Variants in ADGRB3 observed in about 807,000 individuals in gnomAD.
ADGRB3 encodes adhesion G protein-coupled receptor B3.
In ADGRB3, 37 loss-of-function variants were observed where a neutral mutation model predicts 193.4. That is an observed-to-expected ratio of 0.19 (90% CI 0.15 to 0.25). The LOEUF is 0.25. ADGRB3 is among the 10% of genes least tolerant of loss of function. The pLI, the probability that ADGRB3 is intolerant of heterozygous loss-of-function variation, is 1.00. For missense variants in ADGRB3, 1,637 were observed against 1,852.9 expected, an observed-to-expected ratio of 0.88 and a Z score of 2.14; for synonymous variants, 690 against 644.2, an observed-to-expected ratio of 1.07 and a Z score of -1.08.
intron 3 of ADGRB3, among the ~76,000 whole-genome samples, chr6:68,665,438 A>G (rs1561987795): frequency 6.6e-6 from 1 of 151,870 alleles, no homozygotes; most frequent in Non-Finnish European, 1.5e-5. Context: ...ATTCCTCAAA[A>G]TAATTTTATC....
At chr6:69,148,521 A>ATTCATCCT (rs1224576339) in intron 17 of ADGRB3, among the ~76,000 whole-genome samples, 3 of 151,932 alleles carry the variant, frequency 2.0e-5, no homozygotes, top group Non-Finnish European at 4.4e-5. Flanking sequence ...ATTATTTTTG[A>ATTCATCCT]TTGGTTCATC....
In ADGRB3 at chr6:68,856,298, CTT is replaced by C. The variant is rs376044365; in HGVS notation, c.758-74259_758-74258del. ...AAGATACCTGAAAATGTGGAAGTGA[CTT>C]TGGAACTGGGTAACAGGCATAGGTT... On this transcript the variant is annotated intron_variant, in intron 3 of 31. Coordinates refer to ENST00000370598, the MANE Select transcript of ADGRB3 (RefSeq NM_001704.3). Among the ~76,000 whole-genome samples, 250 of 152,236 alleles carry C rather than the reference CTT, an allele frequency of 1.6e-3. 3 individuals are homozygous for C. Among genetic ancestry groups the C allele is most frequent in the African/African-American group, 5.8e-3 (241 of 41,544 alleles).
intron 6 of ADGRB3, among the ~76,000 whole-genome samples, chr6:68,946,156 A>C (rs1456742554): frequency 1.3e-5 from 2 of 152,112 alleles, no homozygotes; most frequent in Non-Finnish European, 2.9e-5. Context: ...TTGTATCCCT[A>C]TGAACTTAGT....
At chr6:68,753,717 A>C (rs1366827960) in intron 3 of ADGRB3, among the ~76,000 whole-genome samples, 1 of 152,142 alleles carries the variant, frequency 6.6e-6, no homozygotes, top group African/African-American at 2.4e-5. Flanking sequence ...AAAAGTAAAG[A>C]AAAATTATTT....
chr6:69,328,021 C>A, intron 22 of ADGRB3, 132 bp downstream of exon 22: 1 of 634,634 alleles, frequency 1.6e-6, no homozygotes, highest in Non-Finnish European at 2.5e-6. Context: ...TAGTAAGGAA[C>A]AAAACAAGGT....
intron 3 of ADGRB3, among the ~76,000 whole-genome samples, chr6:68,668,900 T>C (rs1445213531): frequency 2.0e-5 from 3 of 151,956 alleles, no homozygotes; most frequent in Non-Finnish European, 4.4e-5. Context: ...CAGGTTCTCT[T>C]GTTACAATAA....
intron 10 of ADGRB3, among the ~76,000 whole-genome samples, chr6:68,983,613 A>G (rs1324124133): frequency 2.6e-5 from 4 of 151,894 alleles, no homozygotes; most frequent in African/African-American, 7.2e-5. Flanking sequence ...TCATCTACCC[A>G]TTAATTCATT....
intron 3 of ADGRB3, among the ~76,000 whole-genome samples, chr6:68,716,354 C>G (rs1765489317): frequency 6.6e-6 from 1 of 151,654 alleles, no homozygotes; most frequent in Non-Finnish European, 1.5e-5. Flanking sequence ...TTGTTATTAT[C>G]CTGCCTGATT....
chr6:69,258,925 A>C (rs991187798), intron 20 of ADGRB3, among the ~76,000 whole-genome samples: 1 of 152,226 alleles, frequency 6.6e-6, no homozygotes, highest in African/African-American at 2.4e-5. Context: ...GACTGCAACA[A>C]AAAACAGAAA....
intron 17 of ADGRB3, among the ~76,000 whole-genome samples, chr6:69,153,257 A>C (rs1774730705): frequency 6.6e-6 from 1 of 152,214 alleles, no homozygotes; most frequent in Non-Finnish European, 1.5e-5. Context: ...TTGTTCTTAA[A>C]AACTCATGAA....
intron 17 of ADGRB3, among the ~76,000 whole-genome samples, chr6:69,130,080 G>A (rs1428877863): frequency 6.6e-6 from 1 of 152,058 alleles, no homozygotes; most frequent in Non-Finnish European, 1.5e-5. Flanking sequence ...GGTTCTGGAG[G>A]CTGAGAAGTC....
chr6:69,275,430 T>C (rs986828230), intron 20 of ADGRB3, among the ~76,000 whole-genome samples: 1 of 152,176 alleles, frequency 6.6e-6, no homozygotes, highest in Non-Finnish European at 1.5e-5. Flanking sequence ...TGATTCCTCA[T>C]TGGCCTAGAG....
intron 17 of ADGRB3, among the ~76,000 whole-genome samples, chr6:69,149,940 G>GTA (rs1774624231): frequency 7.0e-6 from 1 of 142,158 alleles, no homozygotes; most frequent in Non-Finnish European, 1.6e-5. Context: ...GTGTGTGTGT[G>GTA]TGTGTGTGTG....
intron 17 of ADGRB3, among the ~76,000 whole-genome samples, chr6:69,081,241 C>T (rs746167394): frequency 6.6e-6 from 1 of 151,676 alleles, no homozygotes; most frequent in Non-Finnish European, 1.5e-5. Context: ...GCTTTTTGTC[C>T]CTTGATTATA....
At chr6:68,956,989 G>A (rs1220302261) in intron 8 of ADGRB3, among the ~76,000 whole-genome samples, 180 bp downstream of exon 8, 3 of 152,146 alleles carry the variant, frequency 2.0e-5, no homozygotes, top group Non-Finnish European at 2.9e-5. Flanking sequence ...TCATAGAATC[G>A]TTCCATGTGA....
intron 17 of ADGRB3, among the ~76,000 whole-genome samples, chr6:69,150,742 C>T (rs1774649244): frequency 6.6e-6 from 1 of 152,214 alleles, no homozygotes; most frequent in East Asian, 1.9e-4. Flanking sequence ...CAGCATATCT[C>T]ACCCAAGGCC....
At position 69,239,232 on chromosome 6, in the gene ADGRB3, A is replaced by T; in HGVS notation, c.2814+6A>T. 1 of 1,500,310 alleles carries T rather than the reference A, an allele frequency of 6.7e-7. No individual in the cohort carries two copies. The highest frequency in any genetic ancestry group is 9.2e-7 in the Non-Finnish European group (1 of 1,084,732). 92.9% of individuals were successfully genotyped at this position (1,500,310 alleles called of 1,614,324 possible). A position where few individuals can be genotyped will look rare whatever the true frequency, so the allele number is the denominator to read the frequency against. On this transcript the variant is annotated splice_donor_region_variant and intron_variant, in intron 20 of 31. Coordinates refer to ENST00000370598, the MANE Select transcript of ADGRB3 (RefSeq NM_001704.3). ...AGACTCAGACACATAATAAGGTATG[A>T]CTGGTAATTATTCTGATTCTTTTTT... is the stretch of plus-strand genomic sequence containing the variant.
intron 3 of ADGRB3, among the ~76,000 whole-genome samples, chr6:68,858,412 G>A (rs1037890136): frequency 1.5e-4 from 23 of 151,086 alleles, no homozygotes; most frequent in East Asian, 7.9e-4. Flanking sequence ...GCTAAGGCAG[G>A]AGAATTGTGT....
intron 17 of ADGRB3, among the ~76,000 whole-genome samples, chr6:69,218,859 C>T (rs1247351053): frequency 6.6e-6 from 1 of 152,116 alleles, no homozygotes; most frequent in East Asian, 1.9e-4. Flanking sequence ...GCATTTATTT[C>T]ATGGAATATC....
Sources: allele counts gnomAD v4.1 joint callset (sites outside exome capture counted in the v4.1 genomes callset), GRCh38; gene constraint gnomAD v4.1.1; transcripts MANE v1.5; gene names NCBI Gene and HGNC (gene_info 2026-07-23, HGNC 2026-07-21).